TMPRSS9: variants seen among roughly 807,000 people sequenced by gnomAD.
TMPRSS9 encodes the protein transmembrane protease serine 9.
In TMPRSS9, 113 loss-of-function variants were observed where a neutral mutation model predicts 111.4. The observed-to-expected ratio is 1.01, with a 90% CI of 0.87 to 1.19. The LOEUF (loss-of-function observed/expected upper bound fraction) is 1.19. Among genes scored for constraint, TMPRSS9 ranks in the 50% most tolerant of loss-of-function variants. The pLI, the probability that TMPRSS9 is intolerant of heterozygous loss-of-function variation, is 0.00. For missense variants in TMPRSS9, 1,803 were observed against 1,513.1 expected (o/e 1.19, Z -3.18); for synonymous variants, 805 against 659.1 (o/e 1.22, Z -3.39).
chr19:2,364,711 A>C (rs1970234600), intron 1 of TMPRSS9, among the ~76,000 whole-genome samples: 2 of 151,972 alleles, frequency 1.3e-5, no homozygotes, highest in Non-Finnish European at 2.9e-5. Flanking sequence ...CTGGGCCGGG[A>C]ACGGTGGCTC....
At chr19:2,373,769 G>A (rs1015108286) in intron 1 of TMPRSS9, among the ~76,000 whole-genome samples, 1 of 152,222 alleles carries the variant, frequency 6.6e-6, no homozygotes, top group Non-Finnish European at 1.5e-5. Flanking sequence ...TAAGGCGCTG[G>A]GATTACAGGC....
chr19:2,399,106 C>G, exon 4 of TMPRSS9: 1 of 1,613,616 alleles, frequency 6.2e-7, no homozygotes, highest in African/African-American at 1.3e-5. Context: ...GGAGGAGGAG[C>G]TATTGCAGCG....
rs1159118820 is a variant in TMPRSS9 at position 2,413,744 on chromosome 19, GTTCT to G, written c.1304_1307del (p.Phe435TrpfsTer5). 6.2e-7 allele frequency: 1 copy of G among 1,613,796 alleles called. No individual in the cohort carries two copies. The highest frequency in any genetic ancestry group is 1.3e-5 in the African/African-American group (1 of 75,036). ...TGGTCTGCGAGGAGCCCTCTGGCCG[GTTCT>G]TTCTGGCTGGCATCGTGAGCTGGGG... On this transcript the variant is annotated frameshift_variant, in exon 10 of 18. Coordinates refer to ENST00000648592, the Ensembl canonical transcript of TMPRSS9. LOFTEE classifies it high-confidence loss of function.
At chr19:2,424,798 T>C (rs1187221089) in intron 15 of TMPRSS9, among the ~76,000 whole-genome samples, 1 of 151,590 alleles carries the variant, frequency 6.6e-6, no homozygotes, top group African/African-American at 2.4e-5. Context: ...TTCAGAGCGC[T>C]CATATTAGGT....
At chr19:2,405,580 CT>C in intron 7 of TMPRSS9, 35 bp downstream of exon 8, 1 of 1,475,642 alleles carries the variant, frequency 6.8e-7, no homozygotes, top group Non-Finnish European at 9.0e-7. Context: ...AACCCGAACC[CT>C]CTGTATTTCT....
At chr19:2,403,899 A>G (rs1387266500) in intron 6 of TMPRSS9, among the ~76,000 whole-genome samples, 6 of 150,232 alleles carry the variant, frequency 4.0e-5, no homozygotes, top group Non-Finnish European at 4.4e-5. Flanking sequence ...AGGCTGAGGC[A>G]GGAGAATGGC....
At chr19:2,406,810 T>C (rs1599300726) in intron 7 of TMPRSS9, among the ~76,000 whole-genome samples, 1 of 151,790 alleles carries the variant, frequency 6.6e-6, no homozygotes, top group Non-Finnish European at 1.5e-5. Flanking sequence ...TTATCCTTTT[T>C]TTTTTTTTGA....
intron 1 of TMPRSS9, among the ~76,000 whole-genome samples, chr19:2,383,616 G>A (rs1334305241): frequency 7.8e-6 from 1 of 128,340 alleles, no homozygotes; most frequent in African/African-American, 2.8e-5. Context: ...GATTACAGGT[G>A]TGAGCCACTG....
chr19:2,413,908 G>A (rs1230580187), exon 10 of TMPRSS9: 1 of 1,612,698 alleles, frequency 6.2e-7, no homozygotes, highest in Non-Finnish European at 8.5e-7. Context: ...GCCGCCCCCA[G>A]CACAGCCTGG....
At chr19:2,425,517 G>T (rs1173871815) in intron 17 of TMPRSS9, 24 bp downstream of exon 18, 4 of 1,539,428 alleles carry the variant, frequency 2.6e-6, no homozygotes, top group Non-Finnish European at 2.6e-6. Context: ...CGGCCCAGGG[G>T]ACCAGGTCCC....
chr19:2,366,953 G>A (rs975038132), intron 1 of TMPRSS9, among the ~76,000 whole-genome samples: 2 of 151,628 alleles, frequency 1.3e-5, no homozygotes, highest in East Asian at 1.9e-4. Flanking sequence ...GTCCTCATGT[G>A]GCTGTTGGTG....
chr19:2,394,379 T>C (rs1457009706), intron 1 of TMPRSS9, among the ~76,000 whole-genome samples: 1 of 151,952 alleles, frequency 6.6e-6, no homozygotes, highest in Non-Finnish European at 1.5e-5. Flanking sequence ...AGAGACCTTG[T>C]CTCAAAAAAA....
At chr19:2,378,327 T>C (rs1348559913) in intron 1 of TMPRSS9, among the ~76,000 whole-genome samples, 2 of 152,162 alleles carry the variant, frequency 1.3e-5, no homozygotes, top group African/African-American at 4.8e-5. Flanking sequence ...ACATGAGACT[T>C]TCAGTGCTGA....
At chr19:2,417,482 AAT>A (rs1345022905) in intron 12 of TMPRSS9, among the ~76,000 whole-genome samples, 1 of 151,158 alleles carries the variant, frequency 6.6e-6, no homozygotes, top group Non-Finnish European at 1.5e-5. Flanking sequence ...AAAAAAAAAA[AAT>A]AGAAAAATAA....
intron 4 of TMPRSS9, among the ~76,000 whole-genome samples, chr19:2,399,798 G>A (rs10412102): frequency 0.4 from 61,047 of 151,822 alleles, 13,606 homozygotes; most frequent in African/African-American, 0.59. Context: ...GCTCACTGCA[G>A]CTTCTGCCTC....
At position 2,419,252 on chromosome 19, in the gene TMPRSS9, G is replaced by A. The variant is rs532773000; in HGVS notation, c.2154+1114G>A. 2.7e-5 allele frequency among the ~76,000 whole-genome samples: 4 copies of A among 149,262 alleles called. No homozygotes were observed. The South Asian group carries it at 6.5e-4, about 24-fold the overall frequency. ...GGAGTCTGGCTCTGTCGCCCAGGCT[G>A]GAGTGCAGTGGTGCGATCTTGGCTC... On this transcript the variant is annotated intron_variant, in intron 13 of 17. Coordinates refer to ENST00000648592, the Ensembl canonical transcript of TMPRSS9.
At chr19:2,406,232 A>C (rs2145341928) in intron 7 of TMPRSS9, among the ~76,000 whole-genome samples, 2 of 149,330 alleles carry the variant, frequency 1.3e-5, no homozygotes, top group South Asian at 4.2e-4. Context: ...GTTAGTCAGG[A>C]TGGTCTCGAT....
chr19:2,365,588 T>C (rs1412359090), intron 1 of TMPRSS9, among the ~76,000 whole-genome samples: 1 of 150,632 alleles, frequency 6.6e-6, no homozygotes, highest in Non-Finnish European at 1.5e-5. Flanking sequence ...GTGATCATCT[T>C]GGATTAGGTG....
At chr19:2,363,181 C>T (rs1295762193) in intron 1 of TMPRSS9, among the ~76,000 whole-genome samples, 1 of 152,186 alleles carries the variant, frequency 6.6e-6, no homozygotes, top group African/African-American at 2.4e-5. Context: ...GCGCTGGGTC[C>T]CGTCCCTAAA....
Sources: allele counts gnomAD v4.1 joint callset (sites outside exome capture counted in the v4.1 genomes callset), GRCh38; gene constraint gnomAD v4.1.1; transcripts MANE v1.5; gene names NCBI Gene and HGNC (gene_info 2026-07-23, HGNC 2026-07-21).